The following UBE3B variants were observed in gnomAD, a reference collection of about 807,000 sequenced individuals.
UBE3B encodes the protein ubiquitin-protein ligase E3B.
Under a neutral mutation model 132.3 loss-of-function variants are expected in UBE3B, and 80 were observed. The observed-to-expected ratio is 0.60, with a 90% confidence interval of 0.50 to 0.73. The LOEUF is 0.73. UBE3B is among the 30% of genes least tolerant of loss of function. The pLI, the probability that UBE3B is intolerant of heterozygous loss-of-function variation, is 0.00. For synonymous variants in UBE3B, 487 were observed against 520.4 expected, an observed-to-expected ratio of 0.94 and a Z score of 0.87; for missense variants, 1,196 against 1,362.5, an observed-to-expected ratio of 0.88 and a Z score of 1.92.
chr12:109,531,810 A>C (rs1882969326), intron 26 of UBE3B, among the ~76,000 whole-genome samples: 1 of 152,086 alleles, frequency 6.6e-6, no homozygotes, highest in Admixed American at 6.5e-5. Context: ...CTGCCAAGCT[A>C]TAAAACGGCT....
chr12:109,512,792 ACT>A (rs1226353040), intron 18 of UBE3B, among the ~76,000 whole-genome samples: 1 of 152,000 alleles, frequency 6.6e-6, no homozygotes, highest in Non-Finnish European at 1.5e-5. Context: ...CACTTGGCAA[ACT>A]CTCAGAAGTG....
At chr12:109,530,930 C>T (rs1385953611) in intron 26 of UBE3B, among the ~76,000 whole-genome samples, 2 of 152,200 alleles carry the variant, frequency 1.3e-5, no homozygotes, top group Non-Finnish European at 2.9e-5. Context: ...TCCGTCCTCC[C>T]CTTTGCCTAT....
chr12:109,530,661 A>T lies in UBE3B; in HGVS notation c.2922+3A>T, dbSNP rs1365466111. 1 of 1,613,136 alleles carries T rather than the reference A, an allele frequency of 6.2e-7. No homozygotes were observed. Among genetic ancestry groups the T allele is most frequent in the East Asian group, 2.2e-5 (1 of 44,870 alleles). On this transcript the variant is annotated splice_donor_region_variant and intron_variant, in intron 26 of 27. Coordinates refer to ENST00000342494, the MANE Select transcript of UBE3B (RefSeq NM_130466.4). ...ATGAGAGAGCTATGTTTCTGAAGGT[A>T]TTTTATTTATTACCTATGCATGCAT...
chr12:109,541,194 A>G (rs1326028690), downstream of UBE3B, among the ~76,000 whole-genome samples: 1 of 152,168 alleles, frequency 6.6e-6, no homozygotes, highest in African/African-American at 2.4e-5. Context: ...CTCTGATGAG[A>G]CAGGCTAGGA....
chr12:109,479,710 T>C (rs1875026514), intron 1 of UBE3B, among the ~76,000 whole-genome samples: 2 of 152,218 alleles, frequency 1.3e-5, no homozygotes. Context: ...TAGGCTATTA[T>C]ATGATATGAA....
intron 16 of UBE3B, 22 bp downstream of exon 16, chr12:109,509,736 G>A: frequency 6.5e-7 from 1 of 1,529,080 alleles, no homozygotes; most frequent in Non-Finnish European, 8.9e-7. Flanking sequence ...GGTGTCTGCT[G>A]TTGTTTGGTT....
the UBE3B span, among the ~76,000 whole-genome samples, chr12:109,546,086 G>A: frequency 6.6e-6 from 1 of 152,154 alleles, no homozygotes; most frequent in African/African-American, 2.4e-5. Context: ...CAGAATCAGT[G>A]CCCACTCCAA....
intron 19 of UBE3B, chr12:109,520,880 G>T: frequency 6.2e-6 from 2 of 325,084 alleles, no homozygotes; most frequent in Non-Finnish European, 1.1e-5. Flanking sequence ...GACTCATTTT[G>T]TCTAACTTCC....
chr12:109,488,760 C>G, intron 7 of UBE3B, 92 bp downstream of exon 7: 1 of 1,256,250 alleles, frequency 8.0e-7, no homozygotes, highest in Non-Finnish European at 1.2e-6. Context: ...ATTTTTGCCA[C>G]AAGCCTCAGG....
At position 109,497,811 on chromosome 12, in the gene UBE3B, T is replaced by C. The variant is rs752444128; in HGVS notation, c.714-7T>C. ...CTGTCTGAATGAGTGGATCTATCTGTGTCTAGCCCTGTGATTGCTGCACAG... is the reference window on the plus strand; with the variant it reads ...CTGTCTGAATGAGTGGATCTATCTGCGTCTAGCCCTGTGATTGCTGCACAG... On this transcript the variant is annotated splice_polypyrimidine_tract_variant and splice_region_variant and intron_variant, in intron 9 of 27. Coordinates refer to ENST00000342494, the MANE Select transcript of UBE3B (RefSeq NM_130466.4). 3.1e-6 allele frequency: 5 copies of C among 1,614,112 alleles called. No individual in the cohort carries two copies. The South Asian group carries it at 5.5e-5, about 18-fold the overall frequency.
At chr12:109,486,328 C>G in intron 5 of UBE3B, 143 bp from the exon 6 acceptor site, 1 of 752,910 alleles carries the variant, frequency 1.3e-6, no homozygotes, top group Non-Finnish European at 2.2e-6. Context: ...TAAAATAAGT[C>G]CTGTTTACAG....
intron 6 of UBE3B, 23 bp downstream of exon 6, chr12:109,486,598 A>AAAAAAAAC: frequency 6.6e-7 from 1 of 1,509,278 alleles, no homozygotes; most frequent in Non-Finnish European, 9.0e-7. Flanking sequence ...AAAAAAAAAA[A>AAAAAAAAC]AAAAAGCAAA....
At position 109,503,170 on chromosome 12, in the gene UBE3B, T is replaced by C; in HGVS notation, c.1430T>C (p.Ile477Thr). 6.2e-7 allele frequency: 1 copy of C among 1,614,204 alleles called. No homozygotes were observed. The highest frequency in any genetic ancestry group is 1.1e-5 in the South Asian group (1 of 91,080). ...YQTSLTTLTQ[I>T]RLQILTGLTY... ...ACCTCGCTGACAACTCTCACACAGA[T>C]TCGGCTGCAGATACTCACAGGTTCG... Residue 477 changes from isoleucine (I) to threonine (T), a missense_variant, in exon 14 of 28, where the codon ATT (isoleucine) becomes ACT (threonine). Transcript: ENST00000342494.
chr12:109,509,482 T>C lies in UBE3B; in HGVS notation c.1623-114T>C, dbSNP rs77764526. ...CTGTAGATTTTACAGTAAGTATCTCTACAAGATAAAGCTTATTTCTCAACC... is the reference window on the plus strand; with the variant it reads ...CTGTAGATTTTACAGTAAGTATCTCCACAAGATAAAGCTTATTTCTCAACC... On this transcript the variant is annotated intron_variant, in intron 15 of 27. Transcript: ENST00000342494. 3,871 of 662,786 alleles carry C rather than the reference T, an allele frequency of 5.8e-3. 59 individuals are homozygous for C. Among genetic ancestry groups the C allele is most frequent in the African/African-American group, 0.039 (2,183 of 55,368 alleles). The allele number at this position is 662,786 out of a possible 1,614,324, so 41.1% of individuals were successfully genotyped here.
chr12:109,523,611 G>A (rs2029911826), intron 21 of UBE3B, among the ~76,000 whole-genome samples: 2 of 152,232 alleles, frequency 1.3e-5, no homozygotes, highest in Admixed American at 6.5e-5. Context: ...CAATGCCATG[G>A]CTGCCCTGAG....
intron 9 of UBE3B, among the ~76,000 whole-genome samples, chr12:109,494,944 T>C (rs765290917): frequency 7.2e-5 from 11 of 152,228 alleles, no homozygotes; most frequent in Non-Finnish European, 1.3e-4. Flanking sequence ...CTTATAACAA[T>C]GCAGTCCTTT....
intron 6 of UBE3B, among the ~76,000 whole-genome samples, chr12:109,487,446 C>T (rs559270192): frequency 6.6e-6 from 1 of 152,306 alleles, no homozygotes; most frequent in South Asian, 2.1e-4. Flanking sequence ...AGTAATAATC[C>T]ATTCCCAGCC....
intron 1 of UBE3B, among the ~76,000 whole-genome samples, chr12:109,479,160 A>G (rs764002238): frequency 4.6e-5 from 7 of 152,180 alleles, no homozygotes; most frequent in Non-Finnish European, 8.8e-5. Flanking sequence ...GCACTCATTT[A>G]CTTTTTTAAA....
chr12:109,482,282 A>T (rs1244750984), intron 2 of UBE3B, among the ~76,000 whole-genome samples: 1 of 152,158 alleles, frequency 6.6e-6, no homozygotes, highest in Non-Finnish European at 1.5e-5. Context: ...CATCACCCGA[A>T]TGGTGAACAT....
Sources: allele counts gnomAD v4.1 joint callset (sites outside exome capture counted in the v4.1 genomes callset), GRCh38; gene constraint gnomAD v4.1.1; transcripts MANE v1.5; gene names NCBI Gene and HGNC (gene_info 2026-07-23, HGNC 2026-07-21).